Variants in CAST observed in about 807,000 individuals in gnomAD.
The protein encoded by CAST is calpastatin, also known as MIR583 host.
In CAST, 76 loss-of-function variants were observed where a neutral mutation model predicts 119.6. The ratio of observed to expected loss-of-function variants is 0.64; its 90% CI spans 0.53 to 0.77. The LOEUF is 0.77. Ranked by LOEUF, CAST falls within the 30% of genes least tolerant of loss-of-function variation. The probability of loss-of-function intolerance (pLI) is 0.00; values close to 1 mark genes in which losing one functional copy is unlikely to be tolerated. For missense variants in CAST, 953 were observed against 946.5 expected (o/e 1.01, Z -0.09); for synonymous variants, 319 against 331.6 (o/e 0.96, Z 0.41).
At chr5:96,731,412 A>C (rs1760452290) in intron 9 of CAST, among the ~76,000 whole-genome samples, 1 of 150,190 alleles carries the variant, frequency 6.7e-6, no homozygotes, top group African/African-American at 2.5e-5. Context: ...TAAGATGAGA[A>C]GTTATCTACC....
chr5:96,432,222 G>T, the CAST span: 1 of 1,102,108 alleles, frequency 9.1e-7, no homozygotes, highest in African/African-American at 1.5e-5. Flanking sequence ...TCCCTAGAGA[G>T]TCGCGGGGAT....
intron 1 of CAST, among the ~76,000 whole-genome samples, chr5:96,620,306 T>C (rs896065321): frequency 3.4e-5 from 5 of 148,706 alleles, no homozygotes; most frequent in Non-Finnish European, 5.9e-5. Flanking sequence ...TTTTTTTTGG[T>C]ATTTAATGGA....
intron 1 of CAST, among the ~76,000 whole-genome samples, chr5:96,607,717 G>C (rs1433001498): frequency 2.0e-5 from 3 of 151,282 alleles, no homozygotes; most frequent in Non-Finnish European, 4.4e-5. Context: ...AAGTCAGTTG[G>C]TCTGGCCACG....
chr5:96,668,260 C>A (rs1395781973), intron 1 of CAST, among the ~76,000 whole-genome samples: 1 of 152,126 alleles, frequency 6.6e-6, no homozygotes, highest in African/African-American at 2.4e-5. Flanking sequence ...AAAATGAATT[C>A]TTTAACCCCC....
chr5:96,400,307 T>C, the CAST span: 1 of 737,218 alleles, frequency 1.4e-6, no homozygotes, highest in Non-Finnish European at 2.5e-6. Context: ...ATTGTAGTTA[T>C]GTTATTCTAG....
At chr5:96,618,267 A>G (rs1747512764) in intron 1 of CAST, among the ~76,000 whole-genome samples, 1 of 152,224 alleles carries the variant, frequency 6.6e-6, no homozygotes, top group South Asian at 2.1e-4. Context: ...CTTAAAGATA[A>G]TGTAACAGAG....
At chr5:96,765,665 C>T (rs900959442) in intron 26 of CAST, among the ~76,000 whole-genome samples, 4 of 152,066 alleles carry the variant, frequency 2.6e-5, no homozygotes, top group Non-Finnish European at 4.4e-5. Context: ...TAAATGTGAC[C>T]TCTCTAAATG....
chr5:96,705,365 A>G (rs1445302601), intron 3 of CAST, among the ~76,000 whole-genome samples: 2 of 152,138 alleles, frequency 1.3e-5, no homozygotes, highest in Non-Finnish European at 2.9e-5. Context: ...GAATTGAGCC[A>G]TACCATTTTG....
the CAST span, among the ~76,000 whole-genome samples, chr5:96,443,093 C>T: frequency 6.6e-6 from 1 of 152,078 alleles, no homozygotes; most frequent in African/African-American, 2.4e-5. Flanking sequence ...AGTAATGACT[C>T]AATGAAAATA....
chr5:96,544,563 T>G, intron 1 of CAST, among the ~76,000 whole-genome samples: 1 of 152,154 alleles, frequency 6.6e-6, no homozygotes, highest in African/African-American at 2.4e-5. Flanking sequence ...AAACTGGGAT[T>G]AGATTAGTTG....
chr5:96,663,649 AT>A (rs1748907992), intron 1 of CAST, among the ~76,000 whole-genome samples: 1 of 152,154 alleles, frequency 6.6e-6, no homozygotes, highest in Non-Finnish European at 1.5e-5. Context: ...CAAGGAGAAA[AT>A]CCCAAACATC....
chr5:96,435,258 A>G, the CAST span, among the ~76,000 whole-genome samples: 1 of 152,236 alleles, frequency 6.6e-6, no homozygotes. Context: ...TGTCTCTCTC[A>G]TTAATGAGGC....
chr5:96,206,973 G>A, the CAST span, among the ~76,000 whole-genome samples: 1 of 151,866 alleles, frequency 6.6e-6, no homozygotes, highest in Non-Finnish European at 1.5e-5. Flanking sequence ...TGTCATCTCT[G>A]ACTTCTTTGA....
the CAST span, among the ~76,000 whole-genome samples, chr5:96,452,580 A>C: frequency 1.4e-5 from 2 of 146,352 alleles, no homozygotes; most frequent in South Asian, 2.2e-4. Context: ...ACCATGGCAC[A>C]TGTATACCTA....
At chr5:96,706,013 G>C (rs1754894900) in intron 3 of CAST, among the ~76,000 whole-genome samples, 1 of 152,132 alleles carries the variant, frequency 6.6e-6, no homozygotes, top group Non-Finnish European at 1.5e-5. Flanking sequence ...ACTATACCAT[G>C]AGCCCCTTAA....
intron 4 of CAST, among the ~76,000 whole-genome samples, chr5:96,723,120 GT>G (rs1020119840): frequency 1.3e-5 from 2 of 151,540 alleles, no homozygotes; most frequent in Admixed American, 1.3e-4. Flanking sequence ...TTGTTTTTTT[GT>G]TTGTTTGTTT....
At chr5:96,127,139 G>C in the CAST span, among the ~76,000 whole-genome samples, 15 of 152,030 alleles carry the variant, frequency 9.9e-5, no homozygotes, top group Non-Finnish European at 2.1e-4. Context: ...CAAGGTGAGC[G>C]TAATATATAG....
the CAST span, among the ~76,000 whole-genome samples, chr5:96,266,766 T>G: frequency 6.6e-6 from 1 of 152,138 alleles, no homozygotes; most frequent in East Asian, 1.9e-4. Flanking sequence ...ATGATATAGA[T>G]GTACATTCAT....
intron 1 of CAST, among the ~76,000 whole-genome samples, chr5:96,553,726 G>A (rs1181112578): frequency 2.0e-5 from 3 of 152,210 alleles, no homozygotes; most frequent in African/African-American, 7.2e-5. Context: ...CAAAATCAAT[G>A]TGCAAAAATC....
Sources: gnomAD v4.1 joint callset for allele counts (sites outside exome capture counted in the v4.1 genomes callset) on GRCh38, gnomAD v4.1.1 for gene constraint, MANE v1.5 for transcripts, NCBI Gene and HGNC (gene_info 2026-07-23, HGNC 2026-07-21) for gene names.